The following SIN3A variants were observed in gnomAD, a reference collection of about 807,000 sequenced individuals.
SIN3A encodes the protein paired amphipathic helix protein Sin3a.
A neutral mutation model predicts 146.1 loss-of-function variants in SIN3A; 14 were observed. That is an observed-to-expected ratio of 0.10 (90% CI 0.06 to 0.15). The LOEUF (loss-of-function observed/expected upper bound fraction) is 0.15. Ranked by LOEUF, SIN3A falls within the 10% of genes least tolerant of loss-of-function variation. The pLI is 1.00. For missense variants in SIN3A, 1,028 were observed against 1,576.0 expected (o/e 0.65, Z 5.89); for synonymous variants, 572 against 572.0 (o/e 1.00, Z 0.00).
chr15:75,415,788 T>C (rs574617580), intron 3 of SIN3A: 2 of 157,488 alleles, frequency 1.3e-5, no homozygotes, highest in African/African-American at 5.1e-5. Flanking sequence ...GAGGCGGAGG[T>C]TGCGGTGAGT....
chr15:75,396,280 C>T lies in SIN3A; in HGVS notation c.2071G>A (p.Ala691Thr). Residue 691 changes from alanine (A) to threonine (T), a missense_variant, in exon 13 of 21, where the codon GCT becomes ACT. This residue lies in a region of SIN3A where 157 missense variants were observed against 284.8 expected (regional missense o/e 0.55). Coordinates refer to ENST00000394947, the MANE Select transcript of SIN3A (RefSeq NM_001145358.2). The part of the protein sequence containing the change: ...IDGLRKNPSI[A>T]VPIVLKRLKM... ...TACCTTTTAAGGACAATTGGAACAGCAATGGAGGGATTCTTTCTCAGACCA... is the reference window on the plus strand; with the variant it reads ...TACCTTTTAAGGACAATTGGAACAGTAATGGAGGGATTCTTTCTCAGACCA... The T allele has an allele frequency of 6.2e-7, 1 of 1,613,692 alleles. No individual in the cohort carries two copies. The highest frequency in any genetic ancestry group is 8.5e-7 in the Non-Finnish European group (1 of 1,179,622).
At chr15:75,382,140 T>C (rs1472397834) in intron 17 of SIN3A, among the ~76,000 whole-genome samples, 3 of 152,208 alleles carry the variant, frequency 2.0e-5, no homozygotes, top group Non-Finnish European at 1.5e-5. Context: ...AACCTGAGAA[T>C]TTTTTATTTC....
chr15:75,438,096 C>G (rs2141599675), intron 1 of SIN3A, among the ~76,000 whole-genome samples: 1 of 152,312 alleles, frequency 6.6e-6, no homozygotes, highest in South Asian at 2.1e-4. Flanking sequence ...CGCGGTGGTT[C>G]ACACCTGTAA....
chr15:75,405,809 A>T lies in SIN3A; in HGVS notation c.1407+1246T>A, dbSNP rs567578157. 9.8e-5 allele frequency among the ~76,000 whole-genome samples: 15 copies of T among 152,322 alleles called. No individual in the cohort carries two copies. The East Asian group carries it at 2.9e-3, about 29-fold the overall frequency. On this transcript the variant is annotated intron_variant, in intron 9 of 20. Transcript: ENST00000394947. ...TTTAAATTCAGAATCCAAAGTCTGC[A>T]TGTCACATTTGGCTTATATATTTCT...
chr15:75,392,188 T>A (rs921067363), intron 15 of SIN3A, 54 bp downstream of exon 15: 10 of 1,523,032 alleles, frequency 6.6e-6, no homozygotes, highest in Non-Finnish European at 8.1e-6. Flanking sequence ...TCTAGGTGGC[T>A]CTAAGGTCCT....
At chr15:75,407,013 G>A (rs2073528961) in intron 9 of SIN3A, 42 bp downstream of exon 9, 1 of 1,346,528 alleles carries the variant, frequency 7.4e-7, no homozygotes, top group Non-Finnish European at 1.1e-6. Flanking sequence ...TTTTCTTTTG[G>A]CATTAACAGG....
chr15:75,400,983 A>G (rs1382978016), intron 10 of SIN3A, 43 bp from the exon 11 acceptor site: 2 of 1,416,176 alleles, frequency 1.4e-6, no homozygotes, highest in Admixed American at 1.7e-5. Flanking sequence ...TAGGGGCAGG[A>G]TGCAGTTATC....
At chr15:75,401,236 A>G (rs1433529970) in intron 10 of SIN3A, among the ~76,000 whole-genome samples, 1 of 152,192 alleles carries the variant, frequency 6.6e-6, no homozygotes, top group African/African-American at 2.4e-5. Flanking sequence ...CAAATATAGT[A>G]AAGATTCCAG....
chr15:75,374,155 T>C (rs184621500), intron 20 of SIN3A, among the ~76,000 whole-genome samples: 1 of 152,184 alleles, frequency 6.6e-6, no homozygotes, highest in African/African-American at 2.4e-5. Context: ...TTCTTTTGCT[T>C]ACCCCCACAT....
chr15:75,401,047 T>G, intron 10 of SIN3A, 107 bp from the exon 11 acceptor site: 8 of 744,192 alleles, frequency 1.1e-5, no homozygotes, highest in South Asian at 6.8e-5. Context: ...CTACCAGGGA[T>G]GAATTATTTC....
intron 3 of SIN3A, chr15:75,420,015 T>G (rs1229332660): frequency 2.0e-5 from 3 of 151,934 alleles, no homozygotes; most frequent in Non-Finnish European, 4.4e-5. Flanking sequence ...GTAGCACAAC[T>G]TAAAAAAAAA....
upstream of SIN3A, chr15:75,453,996 A>G (rs763374450): frequency 3.3e-5 from 5 of 152,192 alleles, no homozygotes; most frequent in East Asian, 1.9e-4. Flanking sequence ...GGCCTCACAC[A>G]TGTGCGGAGC....
chr15:75,455,426 G>A (rs2074475429), upstream of SIN3A, among the ~76,000 whole-genome samples: 1 of 152,156 alleles, frequency 6.6e-6, no homozygotes, highest in South Asian at 2.1e-4. Context: ...ACAGGAGTCG[G>A]GGGTCTCCTG....
intron 2 of SIN3A, among the ~76,000 whole-genome samples, chr15:75,427,919 CGA>C (rs2141562328): frequency 6.6e-6 from 1 of 151,502 alleles, no homozygotes; most frequent in South Asian, 2.1e-4. Flanking sequence ...TGCAGTGGGC[CGA>C]GATCGCACCA....
chr15:75,442,994 T>C (rs527485471), intron 1 of SIN3A, among the ~76,000 whole-genome samples: 29 of 150,978 alleles, frequency 1.9e-4, no homozygotes, highest in Non-Finnish European at 3.8e-4. Context: ...CACATATGTA[T>C]ATGGGTGGAG....
intron 17 of SIN3A, 51 bp from the exon 18 acceptor site, chr15:75,381,756 A>G (rs746604262): frequency 3.0e-5 from 43 of 1,430,004 alleles, no homozygotes; most frequent in Non-Finnish European, 3.3e-5. Context: ...TGTAGCTGTA[A>G]TCTATCTTCT....
At chr15:75,437,819 T>C (rs1486496497) in intron 1 of SIN3A, among the ~76,000 whole-genome samples, 3 of 152,108 alleles carry the variant, frequency 2.0e-5, no homozygotes, top group Non-Finnish European at 4.4e-5. Flanking sequence ...CTTTGACGTA[T>C]AGAAACTATG....
At chr15:75,437,626 G>T (rs1464394855) in intron 1 of SIN3A, among the ~76,000 whole-genome samples, 1 of 152,160 alleles carries the variant, frequency 6.6e-6, no homozygotes, top group African/African-American at 2.4e-5. Context: ...CGCTTGCAGA[G>T]GGGTACAGTG....
At chr15:75,437,177 C>CTTT (rs5813801) in intron 1 of SIN3A, among the ~76,000 whole-genome samples, 4 of 145,178 alleles carry the variant, frequency 2.8e-5, no homozygotes, top group Non-Finnish European at 4.5e-5. Context: ...TCCCAGAACC[C>CTTT]TTTTTTTTTT....
Sources: allele counts gnomAD v4.1 joint callset (sites outside exome capture counted in the v4.1 genomes callset), GRCh38; gene constraint gnomAD v4.1.1; regional missense constraint gnomAD v4.1.1; transcripts MANE v1.5; gene names NCBI Gene and HGNC (gene_info 2026-07-23, HGNC 2026-07-21).